Variants in CEP57L1 observed in about 807,000 individuals in gnomAD.
The protein encoded by CEP57L1 is centrosomal protein 57 like 1, also known as centrosomal protein CEP57L1.
Under a neutral mutation model 61.0 loss-of-function variants are expected in CEP57L1, and 37 were observed. That is an observed-to-expected ratio of 0.61 (90% CI 0.47 to 0.80). CEP57L1 has a LOEUF of 0.80. CEP57L1 is among the 30% of genes least tolerant of loss of function. CEP57L1 has a pLI of 0.00. For missense variants in CEP57L1, 422 were observed against 524.7 expected, an observed-to-expected ratio of 0.80 and a Z score of 1.91; for synonymous variants, 137 against 162.3, an observed-to-expected ratio of 0.84 and a Z score of 1.19.
At chr6:109,124,536 T>G (rs1773331299) in intron 1 of CEP57L1, among the ~76,000 whole-genome samples, 1 of 152,238 alleles carries the variant, frequency 6.6e-6, no homozygotes, top group African/African-American at 2.4e-5. Flanking sequence ...TGTGCCACAG[T>G]TTCCTCATCT....
intron 1 of CEP57L1, among the ~76,000 whole-genome samples, chr6:109,120,905 G>GAC (rs1476159126): frequency 7.8e-6 from 1 of 128,298 alleles, no homozygotes; most frequent in Non-Finnish European, 1.6e-5. Context: ...CCTATACTTA[G>GAC]ACACACGCAC....
chr6:109,099,391 G>A (rs191069683), intron 1 of CEP57L1, among the ~76,000 whole-genome samples: 2 of 152,222 alleles, frequency 1.3e-5, no homozygotes, highest in African/African-American at 4.8e-5. Flanking sequence ...GGAAAAATAA[G>A]TTATGTTAAA....
At chr6:109,102,242 G>C (rs1770396201) in intron 1 of CEP57L1, among the ~76,000 whole-genome samples, 1 of 152,066 alleles carries the variant, frequency 6.6e-6, no homozygotes, top group East Asian at 1.9e-4. Context: ...AGGTCACCCA[G>C]GTTGGAGTGC....
intron 1 of CEP57L1, among the ~76,000 whole-genome samples, chr6:109,113,900 A>G (rs1011093851): frequency 1.3e-4 from 20 of 152,188 alleles, no homozygotes; most frequent in Non-Finnish European, 2.4e-4. Flanking sequence ...ATGGGTACAG[A>G]CATTGCTAGA....
At chr6:109,128,953 C>G (rs536966134) in intron 1 of CEP57L1, among the ~76,000 whole-genome samples, 27 of 152,238 alleles carry the variant, frequency 1.8e-4, no homozygotes, top group African/African-American at 6.0e-4. Flanking sequence ...AATCCCAGCA[C>G]TTTGGGAGGC....
intron 1 of CEP57L1, among the ~76,000 whole-genome samples, chr6:109,136,700 T>TTTTATTTTATTTTA (rs1224278799): frequency 8.6e-6 from 1 of 115,802 alleles, no homozygotes; most frequent in African/African-American, 3.6e-5. Flanking sequence ...GAAACTTGTA[T>TTTTATTTTATTTTA]TTTTATTTTA....
chr6:109,172,213 A>G lies in CEP57L1; in HGVS notation c.*9243A>G, dbSNP rs1774437217. 6.6e-6 allele frequency among the ~76,000 whole-genome samples: 1 copy of G among 152,198 alleles called. No homozygotes were observed. Among genetic ancestry groups the G allele is most frequent in the Non-Finnish European group, 1.5e-5 (1 of 68,026 alleles). On this transcript the variant is annotated 3_prime_UTR_variant, in exon 11 of 11. Transcript: ENST00000517392. ...CAGACAGACCATAATTCTCTCAGCA[A>G]CAATGTGTGACAACATTCTTGGAGA...
chr6:109,153,963 G>A lies in CEP57L1; in HGVS notation c.579+14G>A. 7.6e-7 allele frequency: 1 copy of A among 1,321,284 alleles called. No individual in the cohort carries two copies. The highest frequency in any genetic ancestry group is 1.2e-5 in the South Asian group (1 of 82,208). The allele number at this position is 1,321,284 out of a possible 1,614,324, so 81.8% of individuals were successfully genotyped here. A position where few individuals can be genotyped will look rare whatever the true frequency, so the allele number is the denominator to read the frequency against. On this transcript the variant is annotated intron_variant, in intron 5 of 10. Transcript: ENST00000517392. ...AAAACTGCTGAGGTAAGCTTTCTTT[G>A]AAGTGATGACAACAGGAATGAATCT...
At position 109,170,169 on chromosome 6, in the gene CEP57L1, G is replaced by A. The variant is rs1272353555; in HGVS notation, c.*7199G>A. The stretch of plus-strand genomic sequence containing the variant: ...TAAGGCCACCAAATATAATCCCATT[G>A]TAATGGGATTCTACCCACTTGTAGA... On this transcript the variant is annotated 3_prime_UTR_variant, in exon 11 of 11. Coordinates refer to ENST00000517392, the MANE Select transcript of CEP57L1 (RefSeq NM_001271852.3). 6.6e-6 allele frequency among the ~76,000 whole-genome samples: 1 copy of A among 152,144 alleles called. No individual in the cohort carries two copies. Among genetic ancestry groups the A allele is most frequent in the Non-Finnish European group, 1.5e-5 (1 of 68,014 alleles).
At chr6:109,150,661 CAAA>C (rs751693443) in intron 4 of CEP57L1, among the ~76,000 whole-genome samples, 7 of 59,828 alleles carry the variant, frequency 1.2e-4, no homozygotes, top group Admixed American at 2.0e-4. Context: ...GACTCTGTCT[CAAA>C]AAAAAAAAAA....
At chr6:109,149,599 C>T (rs1440541316) in intron 3 of CEP57L1, among the ~76,000 whole-genome samples, 9 of 151,884 alleles carry the variant, frequency 5.9e-5, no homozygotes, top group East Asian at 3.9e-4. Flanking sequence ...CTTGGCAATG[C>T]GGGCTCTTTT....
rs147556559 is a variant in CEP57L1 at position 109,159,015 on chromosome 6, C to T, written c.745-10C>T. On this transcript the variant is annotated splice_polypyrimidine_tract_variant and intron_variant, in intron 7 of 10. Transcript: ENST00000517392. The stretch of plus-strand genomic sequence containing the variant: ...TTTCTTGTTTACGTTTTTTTCTTGC[C>T]AATCTCTAGAAAACTAAATGTATAA... 6.7e-5 allele frequency: 106 copies of T among 1,588,352 alleles called. 1 individual carries two copies. The African/African-American group carries it at 1.4e-3, about 21-fold the overall frequency.
chr6:109,101,168 G>A (rs1417540264), intron 1 of CEP57L1, among the ~76,000 whole-genome samples: 1 of 152,160 alleles, frequency 6.6e-6, no homozygotes, highest in East Asian at 1.9e-4. Flanking sequence ...AGATGTTATG[G>A]AATTTAGAAG....
intron 7 of CEP57L1, chr6:109,158,484 A>G (rs1365303978): frequency 5.4e-6 from 2 of 372,966 alleles, no homozygotes; most frequent in Admixed American, 7.2e-5. Flanking sequence ...ATGAGACCCT[A>G]TCTCAAAAAA....
chr6:109,115,047 T>A (rs567201406), intron 1 of CEP57L1, among the ~76,000 whole-genome samples: 1 of 152,234 alleles, frequency 6.6e-6, no homozygotes, highest in South Asian at 2.1e-4. Flanking sequence ...GCAACTAAAT[T>A]AATCAGATAA....
At position 109,159,104 on chromosome 6, in the gene CEP57L1, TGA is replaced by T. The variant is rs772858545; in HGVS notation, c.822+6_822+7del. ...GCACTGCCTTTTGTGGCTGAAAAGG[TGA>T]GAGGGGATAAAATGAAGATAGTCGT... On this transcript the variant is annotated splice_donor_region_variant and intron_variant, in intron 8 of 10. Coordinates refer to ENST00000517392, the MANE Select transcript of CEP57L1 (RefSeq NM_001271852.3). 11 of 1,613,868 alleles carry T rather than the reference TGA, an allele frequency of 6.8e-6. No individual in the cohort carries two copies. The highest frequency in any genetic ancestry group is 1.3e-5 in the African/African-American group (1 of 74,908).
chr6:109,119,436 T>TA (rs1398907480), intron 1 of CEP57L1, among the ~76,000 whole-genome samples: 2 of 152,186 alleles, frequency 1.3e-5, no homozygotes, highest in Non-Finnish European at 2.9e-5. Flanking sequence ...AGAAGTGTTT[T>TA]ACGTGTTGAC....
In CEP57L1 at chr6:109,167,397, T is replaced by C. The variant is rs537621955; in HGVS notation, c.*4427T>C. ...TGATATAGATGGATCCATTTCCCAT[T>C]TGGGGCTGAGCACTGTGTCTTACGC... On this transcript the variant is annotated 3_prime_UTR_variant, in exon 11 of 11. Transcript: ENST00000517392. 2.8e-4 allele frequency among the ~76,000 whole-genome samples: 42 copies of C among 152,174 alleles called. No homozygotes were observed. Among genetic ancestry groups the C allele is most frequent in the African/African-American group, 1.0e-3 (42 of 41,538 alleles).
chr6:109,153,043 A>G (rs1349189855), intron 4 of CEP57L1, among the ~76,000 whole-genome samples: 1 of 151,588 alleles, frequency 6.6e-6, no homozygotes, highest in Non-Finnish European at 1.5e-5. Context: ...CCCAGGAGAC[A>G]AAGGTTGCAG....
Sources: gnomAD v4.1 joint callset for allele counts (sites outside exome capture counted in the v4.1 genomes callset) on GRCh38, gnomAD v4.1.1 for gene constraint, MANE v1.5 for transcripts, NCBI Gene and HGNC (gene_info 2026-07-23, HGNC 2026-07-21) for gene names.